The following DLGAP2 variants were observed in gnomAD, a reference collection of about 807,000 sequenced individuals.
DLGAP2 encodes disks large-associated protein 2.
A neutral mutation model predicts 100.3 loss-of-function variants in DLGAP2; 26 were observed. That is an observed-to-expected ratio of 0.26 (90% CI 0.19 to 0.36). The LOEUF (loss-of-function observed/expected upper bound fraction) is 0.36, where lower values mean the gene tolerates loss of function less well. DLGAP2 is among the 10% of genes least tolerant of loss of function. DLGAP2 has a pLI of 1.00. For synonymous variants in DLGAP2, 886 were observed against 630.1 expected (o/e 1.41, Z -6.08); for missense variants, 1,858 against 1,453.2 (o/e 1.28, Z -4.53).
intron 3 of DLGAP2, among the ~76,000 whole-genome samples, chr8:1,259,266 A>G (rs1215521778): frequency 6.6e-6 from 1 of 152,096 alleles, no homozygotes; most frequent in Admixed American, 6.5e-5. Context: ...GCCCTTCCCG[A>G]CTGTCGGTGG....
At chr8:1,017,518 C>CGAT (rs1368559020) in intron 2 of DLGAP2, among the ~76,000 whole-genome samples, 1 of 96,316 alleles carries the variant, frequency 1.0e-5, no homozygotes, top group Non-Finnish European at 2.0e-5. Flanking sequence ...CCAGGACAGA[C>CGAT]GCCTCCACTG....
intron 2 of DLGAP2, among the ~76,000 whole-genome samples, chr8:909,468 T>C (rs1316733095): frequency 6.6e-6 from 1 of 152,170 alleles, no homozygotes; most frequent in Non-Finnish European, 1.5e-5. Context: ...CCTTGTCTTT[T>C]TTTTTTTTGA....
intron 3 of DLGAP2, among the ~76,000 whole-genome samples, chr8:1,332,116 C>G (rs1801170429): frequency 6.6e-6 from 1 of 152,222 alleles, no homozygotes; most frequent in Admixed American, 6.5e-5. Flanking sequence ...CCTTCCTTTG[C>G]TGCAGTCAAT....
Position 1,309,605 on chromosome 8 carries a change from A to G in DLGAP2, c.106+50722A>G, listed in dbSNP as rs535133861. Among the ~76,000 whole-genome samples, 23 of 152,332 alleles carry G rather than the reference A, an allele frequency of 1.5e-4. No homozygotes were observed. In the East Asian group the frequency reaches 4.2e-3, roughly 28 times the overall value. On this transcript the variant is annotated intron_variant, in intron 3 of 14. Coordinates refer to ENST00000637795, the MANE Select transcript of DLGAP2 (RefSeq NM_001346810.2). ...AAAGGGAACCTTGCAGATTGACATA[A>G]AAGGACAGCGGCATTAGCTCAAAGC... is the stretch of plus-strand genomic sequence containing the variant.
chr8:839,779 C>G (rs1033029047), intron 1 of DLGAP2, among the ~76,000 whole-genome samples: 1 of 152,240 alleles, frequency 6.6e-6, no homozygotes, highest in African/African-American at 2.4e-5. Flanking sequence ...CCCACATGGG[C>G]ATTCCCTGCC....
At chr8:1,315,553 C>T (rs867732816) in intron 3 of DLGAP2, among the ~76,000 whole-genome samples, 220 of 104,934 alleles carry the variant, frequency 2.1e-3, no homozygotes, top group African/African-American at 6.8e-3. Context: ...AACTCGGCAG[C>T]GTTTAAAAAT....
intron 2 of DLGAP2, among the ~76,000 whole-genome samples, chr8:1,230,868 A>T (rs1798521328): frequency 6.6e-6 from 1 of 152,238 alleles, no homozygotes; most frequent in Admixed American, 6.5e-5. Flanking sequence ...AAGATGAATT[A>T]CAAATTTAAA....
At chr8:1,126,244 A>T (rs1234533128) in intron 2 of DLGAP2, among the ~76,000 whole-genome samples, 1 of 152,198 alleles carries the variant, frequency 6.6e-6, no homozygotes, top group Non-Finnish European at 1.5e-5. Flanking sequence ...TCTCAAAAAT[A>T]GGTTGATTTT....
intron 2 of DLGAP2, among the ~76,000 whole-genome samples, chr8:1,031,557 T>A (rs1196833820): frequency 6.6e-6 from 1 of 152,056 alleles, no homozygotes; most frequent in Non-Finnish European, 1.5e-5. Context: ...GACTATAGGG[T>A]GCATGTCACC....
intron 2 of DLGAP2, among the ~76,000 whole-genome samples, chr8:976,255 T>A (rs576127740): frequency 1.3e-5 from 2 of 152,256 alleles, no homozygotes; most frequent in African/African-American, 4.8e-5. Context: ...GGTACTGTAA[T>A]GAAGACAGTG....
chr8:1,000,661 A>G (rs749781594), intron 2 of DLGAP2, among the ~76,000 whole-genome samples: 3 of 152,136 alleles, frequency 2.0e-5, no homozygotes, highest in Non-Finnish European at 4.4e-5. Context: ...TTGGTTATGA[A>G]CTGTCCGGTA....
chr8:1,176,966 C>T (rs1405249832), intron 2 of DLGAP2, among the ~76,000 whole-genome samples: 7 of 152,194 alleles, frequency 4.6e-5, no homozygotes, highest in East Asian at 1.9e-4. Context: ...AAGCAAGTCA[C>T]GGTTCACACA....
intron 3 of DLGAP2, among the ~76,000 whole-genome samples, chr8:1,358,621 C>G (rs1293622976): frequency 6.6e-6 from 1 of 152,176 alleles, no homozygotes; most frequent in Non-Finnish European, 1.5e-5. Context: ...GTTTGGACGG[C>G]TCTTTGATGT....
intron 2 of DLGAP2, among the ~76,000 whole-genome samples, chr8:1,131,431 G>A (rs1796291776): frequency 6.6e-6 from 1 of 152,218 alleles, no homozygotes. Context: ...CTGTGCTCAT[G>A]TAGGGGAGAG....
chr8:1,039,478 T>G (rs1312585211), intron 2 of DLGAP2, among the ~76,000 whole-genome samples: 2 of 133,842 alleles, frequency 1.5e-5, no homozygotes, highest in African/African-American at 2.9e-5. Flanking sequence ...TCAGCTCGGT[T>G]TCCGTGGTCG....
At chr8:1,577,565 C>G (rs1407385017) in intron 6 of DLGAP2, among the ~76,000 whole-genome samples, 3 of 68,724 alleles carry the variant, frequency 4.4e-5, no homozygotes, top group African/African-American at 4.2e-4. Context: ...TACACTCTCT[C>G]TCAAAAAAAA....
chr8:1,623,066 A>G (rs577583927), intron 6 of DLGAP2, among the ~76,000 whole-genome samples: 27 of 152,370 alleles, frequency 1.8e-4, no homozygotes, highest in African/African-American at 6.0e-4. Flanking sequence ...CTAAGCCATT[A>G]TAATATTTTT....
At chr8:1,696,778 G>A (rs534084798) in intron 13 of DLGAP2, among the ~76,000 whole-genome samples, 41 of 152,300 alleles carry the variant, frequency 2.7e-4, no homozygotes, top group Admixed American at 4.6e-4. Flanking sequence ...CCACCACCAG[G>A]CCAATACCAC....
intron 2 of DLGAP2, among the ~76,000 whole-genome samples, chr8:926,725 G>A (rs1183456662): frequency 6.6e-6 from 1 of 152,232 alleles, no homozygotes; most frequent in African/African-American, 2.4e-5. Context: ...GCTGAGCCAT[G>A]TGGAGCTAAA....
Sources: allele counts gnomAD v4.1 joint callset (sites outside exome capture counted in the v4.1 genomes callset), GRCh38; gene constraint gnomAD v4.1.1; transcripts MANE v1.5; gene names NCBI Gene and HGNC (gene_info 2026-07-23, HGNC 2026-07-21).